UBE4B: variants seen among roughly 807,000 people sequenced by gnomAD.
UBE4B encodes the protein ubiquitination factor E4B.
Under a neutral mutation model 148.1 loss-of-function variants are expected in UBE4B, and 27 were observed. The ratio of observed to expected loss-of-function variants is 0.18; its 90% CI spans 0.13 to 0.25. The LOEUF is 0.25. UBE4B is among the 10% of genes least tolerant of loss of function. The pLI is 1.00. For missense variants in UBE4B, 1,170 were observed against 1,662.4 expected, an observed-to-expected ratio of 0.70 and a Z score of 5.15; for synonymous variants, 596 against 619.3, an observed-to-expected ratio of 0.96 and a Z score of 0.56.
At chr1:10,141,230 C>G (rs1055787306) in intron 17 of UBE4B, among the ~76,000 whole-genome samples, 2 of 152,142 alleles carry the variant, frequency 1.3e-5, no homozygotes, top group Non-Finnish European at 2.9e-5. Context: ...ATTAAAGGGA[C>G]TTTGCAGCTG....
chr1:10,178,109 T>G (rs573266188), intron 25 of UBE4B, among the ~76,000 whole-genome samples: 1 of 152,184 alleles, frequency 6.6e-6, no homozygotes, highest in Admixed American at 6.5e-5. Flanking sequence ...CATGTGCTAG[T>G]GCTGAACTAA....
At chr1:10,068,539 TG>T (rs1231478681) in intron 1 of UBE4B, among the ~76,000 whole-genome samples, 2 of 151,726 alleles carry the variant, frequency 1.3e-5, no homozygotes, top group Non-Finnish European at 2.9e-5. Flanking sequence ...TTAGTAGAGA[TG>T]GGGTTTCCCC....
In UBE4B at chr1:10,168,727, C is replaced by T. The variant is rs1646292910; in HGVS notation, c.3333+457C>T. The stretch of plus-strand genomic sequence containing the variant: ...CTAACACAGTGAAACCCCATCTCTA[C>T]TAAAAGTACAAAAAATTAGCTGGGC... On this transcript the variant is annotated intron_variant, in intron 24 of 27. Transcript: ENST00000343090. The surrounding 1 kb of genome is among the most constrained non-coding windows in gnomAD (Gnocchi z 4.9). Among the ~76,000 whole-genome samples, 1 of 152,008 alleles carries T rather than the reference C, an allele frequency of 6.6e-6. No individual in the cohort carries two copies.
At chr1:10,086,582 A>T (rs939397927) in intron 2 of UBE4B, among the ~76,000 whole-genome samples, 1 of 152,242 alleles carries the variant, frequency 6.6e-6, no homozygotes, top group African/African-American at 2.4e-5. Flanking sequence ...TTTAACAAGT[A>T]ATGTCAATAT....
chr1:10,173,424 G>A (rs1024538134), intron 25 of UBE4B, among the ~76,000 whole-genome samples: 1 of 151,478 alleles, frequency 6.6e-6, no homozygotes, highest in African/African-American at 2.4e-5. Flanking sequence ...AGAGCTTGCA[G>A]TGAGCGGAGA....
chr1:10,121,137 G>A (rs1248990010), intron 9 of UBE4B, among the ~76,000 whole-genome samples: 1 of 152,062 alleles, frequency 6.6e-6, no homozygotes, highest in African/African-American at 2.4e-5. Flanking sequence ...GGCCAAGGCA[G>A]GTGGATCACC....
At chr1:10,042,187 A>G (rs982306374) in intron 1 of UBE4B, among the ~76,000 whole-genome samples, 3 of 152,008 alleles carry the variant, frequency 2.0e-5, no homozygotes, top group African/African-American at 7.2e-5. Flanking sequence ...GAAGGCAGAA[A>G]GACTTCTCTG....
At chr1:10,179,225 G>T (rs949019256) in intron 26 of UBE4B, 191 bp from the exon 27 acceptor site, 5 of 643,622 alleles carry the variant, frequency 7.8e-6, no homozygotes, top group Admixed American at 6.2e-5. Flanking sequence ...ACAAAGAAGC[G>T]CCTTCCCCTT....
intron 2 of UBE4B, among the ~76,000 whole-genome samples, chr1:10,078,966 G>A (rs1442124673): frequency 3.3e-5 from 5 of 152,112 alleles, no homozygotes; most frequent in Admixed American, 6.6e-5. Flanking sequence ...ACAGGTGCGC[G>A]CCACCATGCC....
chr1:10,142,283 A>G (rs1213119656), intron 17 of UBE4B, among the ~76,000 whole-genome samples: 1 of 152,194 alleles, frequency 6.6e-6, no homozygotes, highest in Non-Finnish European at 1.5e-5. Flanking sequence ...ACCCGTAGCC[A>G]TATAGGTCAT....
intron 25 of UBE4B, among the ~76,000 whole-genome samples, chr1:10,173,319 A>C (rs1347491456): frequency 6.6e-6 from 1 of 151,938 alleles, no homozygotes; most frequent in Non-Finnish European, 1.5e-5. Context: ...TCTACTAAAA[A>C]AAATACAAAA....
intron 1 of UBE4B, among the ~76,000 whole-genome samples, chr1:10,046,996 A>G (rs1309712622): frequency 6.6e-6 from 1 of 152,214 alleles, no homozygotes; most frequent in African/African-American, 2.4e-5. Context: ...CCCTAGAATT[A>G]CAGGCCATGT....
At position 10,168,910 on chromosome 1, in the gene UBE4B, A is replaced by G. The variant is rs145560492; in HGVS notation, c.3333+640A>G. 3.6e-3 allele frequency among the ~76,000 whole-genome samples: 542 copies of G among 151,926 alleles called. 6 individuals carry two copies. Among genetic ancestry groups the G allele is most frequent in the African/African-American group, 0.012 (511 of 41,456 alleles). On this transcript the variant is annotated intron_variant, in intron 24 of 27. Transcript: ENST00000343090. This position sits in a 1 kb window ranked among gnomAD's most constrained non-coding sequence, Gnocchi z 4.9. The stretch of plus-strand genomic sequence containing the variant: ...CCATCTCAAAAAAAAAAAAAAAAGA[A>G]GAAGAAAAAGCATAAGGTAACAGCT...
Position 10,179,970 on chromosome 1 carries a change from C to T in UBE4B, c.*14C>T. The T allele has an allele frequency of 6.2e-7, 1 of 1,614,068 alleles. No individual in the cohort carries two copies. The highest frequency in any genetic ancestry group is 8.5e-7 in the Non-Finnish European group (1 of 1,180,026). On this transcript the variant is annotated 3_prime_UTR_variant, in exon 28 of 28. Transcript: ENST00000343090. ...AGCGATCACTAAACCGTTCCGCCGC[C>T]CACCCTCTGCTAGACACAGCCAAGG...
chr1:10,181,140 T>C lies in UBE4B; in HGVS notation c.*1184T>C, dbSNP rs1230191886. 6.6e-6 allele frequency: 1 copy of C among 152,246 alleles called. No homozygotes were observed. Among genetic ancestry groups the C allele is most frequent in the Non-Finnish European group, 1.5e-5 (1 of 67,956 alleles). 9.4% of individuals were successfully genotyped at this position (152,246 alleles called of 1,614,324 possible). ...GAAGAAATTAAGTCTATAAAAAGCA[T>C]ACTTTCTTTTTTCTTTTCCTTTTTT... On this transcript the variant is annotated 3_prime_UTR_variant, in exon 28 of 28. Transcript: ENST00000343090.
chr1:10,048,386 G>A (rs1163143814), intron 1 of UBE4B, among the ~76,000 whole-genome samples: 2 of 152,168 alleles, frequency 1.3e-5, no homozygotes, highest in Admixed American at 1.3e-4. Context: ...GGAGGTTGGG[G>A]TTAGGGATAC....
At chr1:10,084,016 C>T (rs950996392) in intron 2 of UBE4B, among the ~76,000 whole-genome samples, 3 of 152,124 alleles carry the variant, frequency 2.0e-5, no homozygotes, top group African/African-American at 4.8e-5. Context: ...TCCCTATCCG[C>T]AGCCCCCACC....
chr1:10,061,262 G>A (rs1644280242), intron 1 of UBE4B, among the ~76,000 whole-genome samples: 1 of 145,702 alleles, frequency 6.9e-6, no homozygotes. Flanking sequence ...AAACAAGTTT[G>A]TTTGTTTTTT....
chr1:10,161,411 T>C lies in UBE4B; in HGVS notation c.3198+125T>C. ...GCGATCTGACATGCTGGGATTTTCC[T>C]TCCATGAAATCATATTGCAGGATTG... On this transcript the variant is annotated intron_variant, in intron 23 of 27. Transcript: ENST00000343090. The surrounding 1 kb of genome is among the most constrained non-coding windows in gnomAD (Gnocchi z 4.1). 1 of 1,141,438 alleles carries C rather than the reference T, an allele frequency of 8.8e-7. No individual in the cohort carries two copies. 70.7% of individuals were successfully genotyped at this position (1,141,438 alleles called of 1,614,324 possible).
Sources: allele counts gnomAD v4.1 joint callset (sites outside exome capture counted in the v4.1 genomes callset), GRCh38; gene constraint gnomAD v4.1.1; non-coding constraint Gnocchi (gnomAD v3.1); transcripts MANE v1.5; gene names NCBI Gene and HGNC (gene_info 2026-07-23, HGNC 2026-07-21).